The following MTUS2 variants were observed in gnomAD, a reference collection of about 807,000 sequenced individuals.
The protein encoded by MTUS2 is microtubule-associated tumor suppressor candidate 2.
A neutral mutation model predicts 114.1 loss-of-function variants in MTUS2; 40 were observed. The ratio of observed to expected loss-of-function variants is 0.35; its 90% confidence interval spans 0.27 to 0.46. MTUS2 has a LOEUF of 0.46. Among genes scored for constraint, MTUS2 ranks in the 20% least tolerant of loss-of-function variants. The pLI, the probability that MTUS2 is intolerant of heterozygous loss-of-function variation, is 1.00. For synonymous variants in MTUS2, 688 were observed against 672.0 expected (o/e 1.02, Z -0.37); for missense variants, 1,679 against 1,705.4 (o/e 0.98, Z 0.27).
At chr13:29,151,491 A>C (rs528082676) in intron 5 of MTUS2, among the ~76,000 whole-genome samples, 203 of 152,214 alleles carry the variant, frequency 1.3e-3, no homozygotes, top group African/African-American at 4.7e-3. Context: ...AAGAGGGATA[A>C]TTTGACTTCC....
chr13:29,448,142 A>T (rs1878422173), intron 9 of MTUS2, among the ~76,000 whole-genome samples: 1 of 152,144 alleles, frequency 6.6e-6, no homozygotes, highest in African/African-American at 2.4e-5. Context: ...CCTTATTAGA[A>T]AACCTGAGTC....
At chr13:29,151,190 A>G (rs1055805565) in intron 5 of MTUS2, among the ~76,000 whole-genome samples, 1 of 152,050 alleles carries the variant, frequency 6.6e-6, no homozygotes, top group Non-Finnish European at 1.5e-5. Flanking sequence ...ATGTTTTTCC[A>G]TTTGTTATTA....
rs1207502234 is a variant in MTUS2 at position 29,034,130 on chromosome 13, C to T, written c.2446+5C>T. The T allele has an allele frequency of 6.2e-7, 1 of 1,613,858 alleles. No individual in the cohort carries two copies. The highest frequency in any genetic ancestry group is 8.5e-7 in the Non-Finnish European group (1 of 1,179,774). On this transcript the variant is annotated splice_donor_5th_base_variant and intron_variant, in intron 4 of 15. Coordinates refer to ENST00000612955, the MANE Select transcript of MTUS2 (RefSeq NM_001033602.4). ...TCTACAGTTCCGATCCTTCAGGTAA[C>T]CGATCCAACAGTTTCTGCCTTTTCC...
Position 28,881,288 on chromosome 13 carries a change from G to A in MTUS2, c.-243+41438G>A, listed in dbSNP as rs115618028. On this transcript the variant is annotated intron_variant, in intron 2 of 15. Coordinates refer to ENST00000612955, the MANE Select transcript of MTUS2 (RefSeq NM_001033602.4). Reference sequence around the variant, plus strand: ...AATGGCCTCCAGTTGTATTCATGTTGCTGCAAAGGACATTAGTCCGTTCTT... The same window carrying A: ...AATGGCCTCCAGTTGTATTCATGTTACTGCAAAGGACATTAGTCCGTTCTT... Among the ~76,000 whole-genome samples, 365 of 152,224 alleles carry A rather than the reference G, an allele frequency of 2.4e-3. 1 individual carries two copies. The highest frequency in any genetic ancestry group is 8.6e-3 in the African/African-American group (356 of 41,542).
chr13:29,280,958 T>C (rs1898242721), intron 5 of MTUS2, among the ~76,000 whole-genome samples: 1 of 152,156 alleles, frequency 6.6e-6, no homozygotes, highest in African/African-American at 2.4e-5. Context: ...ACAAACACAA[T>C]CCCAGTATGC....
In MTUS2 at chr13:29,222,463, A is replaced by G. The variant is rs1338833884; in HGVS notation, c.2645-59241A>G. On this transcript the variant is annotated intron_variant, in intron 5 of 15. Coordinates refer to ENST00000612955, the MANE Select transcript of MTUS2 (RefSeq NM_001033602.4). The stretch of plus-strand genomic sequence containing the variant: ...TATATTAAAATTATTCTTCGAGTTA[A>G]TAGAATAATTTTGGGATAACTGATA... 2.6e-5 allele frequency among the ~76,000 whole-genome samples: 4 copies of G among 152,204 alleles called. No homozygotes were observed. The East Asian group carries it at 7.7e-4, about 29-fold the overall frequency.
At position 29,150,862 on chromosome 13, in the gene MTUS2, A is replaced by C. The variant is rs7320011; in HGVS notation, c.2644+49892A>C. The stretch of plus-strand genomic sequence containing the variant: ...CAGTTGGTTGTATTAATAGGTGTGC[A>C]GCTTTATTTCTAGGTTCTCTATGGT... On this transcript the variant is annotated intron_variant, in intron 5 of 15. Coordinates refer to ENST00000612955, the MANE Select transcript of MTUS2 (RefSeq NM_001033602.4). Among the ~76,000 whole-genome samples the C allele has an allele frequency of 8.0e-3, 1,220 of 152,056 alleles. 11 individuals carry two copies. The highest frequency in any genetic ancestry group is 0.027 in the African/African-American group (1,136 of 41,516).
At chr13:29,356,890 A>T (rs569737276) in intron 7 of MTUS2, among the ~76,000 whole-genome samples, 15 of 152,160 alleles carry the variant, frequency 9.9e-5, no homozygotes, top group East Asian at 7.7e-4. Flanking sequence ...TTGGTTTCAC[A>T]AGGTAGTTTG....
In MTUS2 at chr13:28,986,380, C is replaced by T. The variant is rs572033891; in HGVS notation, c.-242-38077C>T. Among the ~76,000 whole-genome samples the T allele has an allele frequency of 5.9e-5, 9 of 152,038 alleles. No homozygotes were observed. In the South Asian group the frequency reaches 1.9e-3, roughly 32 times the overall value. ...TGTAGAGCAGAGTCCCTGATGCATA[C>T]ACTAGGTGGGCACTGGCTTCCTGGC... is the stretch of plus-strand genomic sequence containing the variant. On this transcript the variant is annotated intron_variant, in intron 2 of 15. Transcript: ENST00000612955.
At chr13:29,304,843 C>A (rs1899369034) in intron 6 of MTUS2, among the ~76,000 whole-genome samples, 1 of 152,184 alleles carries the variant, frequency 6.6e-6, no homozygotes, top group African/African-American at 2.4e-5. Context: ...ACATTCTTCT[C>A]ATCACCACAT....
At chr13:29,051,967 A>G (rs1197153842) in intron 4 of MTUS2, among the ~76,000 whole-genome samples, 2 of 152,214 alleles carry the variant, frequency 1.3e-5, no homozygotes, top group Non-Finnish European at 2.9e-5. Context: ...CCACTTAACA[A>G]TAATTTGACA....
chr13:29,327,686 A>G (rs1167972094), intron 7 of MTUS2, among the ~76,000 whole-genome samples: 1 of 100,344 alleles, frequency 1.0e-5, no homozygotes, highest in Non-Finnish European at 2.4e-5. Context: ...ATCTTTGTAC[A>G]AATGTACAAG....
intron 5 of MTUS2, among the ~76,000 whole-genome samples, chr13:29,201,016 C>T (rs1422034481): frequency 6.6e-6 from 1 of 152,164 alleles, no homozygotes; most frequent in African/African-American, 2.4e-5. Context: ...CTGTGGATGT[C>T]TATTAGGTCT....
chr13:29,385,861 T>G (rs12873184), intron 8 of MTUS2, among the ~76,000 whole-genome samples: 3,163 of 152,266 alleles, frequency 0.021, 52 homozygotes, highest in Middle Eastern at 0.037. Context: ...ATAAAACCTT[T>G]CCTAGCACTG....
intron 8 of MTUS2, among the ~76,000 whole-genome samples, chr13:29,426,375 A>G (rs1335801227): frequency 6.6e-6 from 1 of 152,216 alleles, no homozygotes; most frequent in Non-Finnish European, 1.5e-5. Flanking sequence ...TTGTAAGTCA[A>G]GGAGTTTTCT....
intron 5 of MTUS2, among the ~76,000 whole-genome samples, chr13:29,253,818 TG>T (rs1481078666): frequency 6.8e-6 from 1 of 147,848 alleles, no homozygotes; most frequent in Non-Finnish European, 1.5e-5. Context: ...CTTACGTGGA[TG>T]GCAGCAGGCA....
At chr13:29,392,845 A>C (rs542102212) in intron 8 of MTUS2, among the ~76,000 whole-genome samples, 1 of 152,342 alleles carries the variant, frequency 6.6e-6, no homozygotes, top group African/African-American at 2.4e-5. Flanking sequence ...AATGCCACTG[A>C]AGTGTACTTA....
At chr13:29,273,980 A>G (rs1329764876) in intron 5 of MTUS2, among the ~76,000 whole-genome samples, 1 of 152,172 alleles carries the variant, frequency 6.6e-6, no homozygotes, top group East Asian at 1.9e-4. Context: ...TGTTGCTATG[A>G]ACATTCATGT....
intron 2 of MTUS2, among the ~76,000 whole-genome samples, chr13:28,899,574 T>G (rs1593282568): frequency 6.6e-6 from 1 of 152,220 alleles, no homozygotes; most frequent in East Asian, 1.9e-4. Flanking sequence ...CACGCCTGGC[T>G]AATTTTTTTG....
Sources: allele counts gnomAD v4.1 joint callset (sites outside exome capture counted in the v4.1 genomes callset), GRCh38; gene constraint gnomAD v4.1.1; transcripts MANE v1.5; gene names NCBI Gene and HGNC (gene_info 2026-07-23, HGNC 2026-07-21).